Variants in POP4 observed in about 807,000 individuals in gnomAD.
POP4 encodes POP4 ribonuclease P/MRP subunit, also known as ribonuclease P protein subunit p29.
In POP4, 31 loss-of-function variants were observed where a neutral mutation model predicts 29.9. That is an observed-to-expected ratio of 1.04 (90% CI 0.78 to 1.40). The LOEUF (loss-of-function observed/expected upper bound fraction) is 1.40. POP4 is among the 40% of genes most tolerant of loss of function. The pLI is 0.00. For synonymous variants in POP4, 110 were observed against 108.2 expected (o/e 1.02, Z -0.10); for missense variants, 286 against 282.7 (o/e 1.01, Z -0.08).
intron 3 of POP4, 133 bp downstream of exon 3, chr19:29,610,765 G>A: frequency 1.1e-6 from 1 of 894,940 alleles, no homozygotes; most frequent in Non-Finnish European, 1.7e-6. Context: ...GCCACAAGAG[G>A]GCAGCCTTCC....
chr19:29,606,336 C>G lies in POP4; in HGVS notation c.7+11C>G, dbSNP rs747095519. Reference sequence around the variant, plus strand: ...GTCCGAGAATGAAGAGTAAGCGGGGCCGCGAAGTTGGAGAGGGTTGGGGAC... The same window carrying G: ...GTCCGAGAATGAAGAGTAAGCGGGGGCGCGAAGTTGGAGAGGGTTGGGGAC... On this transcript the variant is annotated intron_variant, in intron 1 of 6. Transcript: ENST00000585603. 6 of 1,605,196 alleles carry G rather than the reference C, an allele frequency of 3.7e-6. No individual in the cohort carries two copies. The Admixed American group carries it at 6.8e-5, about 18-fold the overall frequency.
In POP4 at chr19:29,606,283, A is replaced by G. The variant is rs769910692; in HGVS notation, c.-36A>G. On this transcript the variant is annotated 5_prime_UTR_variant, in exon 1 of 7. Transcript: ENST00000585603. ...CCGAGAGTCTGCGACAGCAGCTGCC[A>G]GTGCGTCATCAGAGAGCGCCGGAAG... 2 of 1,593,920 alleles carry G rather than the reference A, an allele frequency of 1.3e-6. No homozygotes were observed. Among genetic ancestry groups the G allele is most frequent in the South Asian group, 1.1e-5 (1 of 88,230 alleles).
chr19:29,608,761 C>T (rs755316135), intron 2 of POP4, 52 bp downstream of exon 2: 2 of 1,537,382 alleles, frequency 1.3e-6, no homozygotes, highest in Admixed American at 1.7e-5. Context: ...GCAAAGATGG[C>T]TCAGTAGCTT....
intron 5 of POP4, among the ~76,000 whole-genome samples, chr19:29,613,039 T>C (rs1037997709): frequency 2.0e-5 from 3 of 152,234 alleles, no homozygotes. Flanking sequence ...CCTCCTGCCC[T>C]GCCTCAGGGC....
rs562754552 is a variant in POP4, at chr19:29,617,166, C to G, written c.*1786C>G. The G allele has an allele frequency of 6.6e-6, 1 of 152,338 alleles. No homozygotes were observed. Among genetic ancestry groups the G allele is most frequent in the Admixed American group, 6.5e-5 (1 of 15,300 alleles). The allele number at this position is 152,338 out of a possible 1,614,324, so 9.4% of individuals were successfully genotyped here. ...AGGTGCTGTAGCTTCCTAGCCATCC[C>G]GCTCTTACCCGCCCCTCTGCAATGT... is the stretch of plus-strand genomic sequence containing the variant. On this transcript the variant is annotated 3_prime_UTR_variant, in exon 7 of 7. Coordinates refer to ENST00000585603, the MANE Select transcript of POP4 (RefSeq NM_006627.3).
chr19:29,614,006 G>A (rs374935837), intron 6 of POP4, 34 bp downstream of exon 6: 13 of 1,596,336 alleles, frequency 8.1e-6, no homozygotes, highest in Non-Finnish European at 1.1e-5. Context: ...TTGCTTGCGG[G>A]CTGTGGCTCC....
At chr19:29,612,786 C>T (rs1309379211) in intron 5 of POP4, among the ~76,000 whole-genome samples, 1 of 152,252 alleles carries the variant, frequency 6.6e-6, no homozygotes, top group African/African-American at 2.4e-5. Flanking sequence ...CTTTCCTAAT[C>T]TCCTCGAATC....
chr19:29,614,782 G>A (rs111522340), intron 6 of POP4, among the ~76,000 whole-genome samples: 4,549 of 152,280 alleles, frequency 0.03, 129 homozygotes, highest in South Asian at 0.092. Context: ...GGGATTATAG[G>A]TGTGAGCCAC....
rs752810458 is a variant in POP4 at position 29,610,472 on chromosome 19, A to T, written c.124A>T (p.Met42Leu). ...RAFLKRSTPRMSPQAREDQLQ... is the reference protein window; with the variant it reads ...RAFLKRSTPRLSPQAREDQLQ... ...CTTCCTGAAGCGCAGCACGCCCCGC[A>T]TGAGCCCGCAGGCCCGCGAGGACCA... The change falls in exon 3 of 7, where the codon ATG becomes TTG. Residue 42 changes from methionine to leucine, a missense_variant. By Grantham distance (15) the Met-to-Leu change is conservative. Coordinates refer to ENST00000585603, the MANE Select transcript of POP4 (RefSeq NM_006627.3). The T allele has an allele frequency of 6.2e-7, 1 of 1,605,678 alleles. No individual in the cohort carries two copies.
intron 1 of POP4, among the ~76,000 whole-genome samples, chr19:29,608,262 C>CTTTTCTTTTT (rs1491529433): frequency 5.9e-4 from 51 of 86,562 alleles, no homozygotes; most frequent in South Asian, 2.2e-3. Flanking sequence ...CTTTTCTTTT[C>CTTTTCTTTTT]TTTTTTTTTT....
Position 29,613,862 on chromosome 19 carries a change from TC to T in POP4, c.425-8del. 6.2e-7 allele frequency: 1 copy of T among 1,611,278 alleles called. No homozygotes were observed. Among genetic ancestry groups the T allele is most frequent in the East Asian group, 2.2e-5 (1 of 44,850 alleles). On this transcript the variant is annotated splice_region_variant and splice_polypyrimidine_tract_variant and intron_variant, in intron 5 of 6. Transcript: ENST00000585603. ...GGCCTGAGCCTGGAACTGTCCTTTT[TC>T]TTTGCAGTGACAAAATCCAAATGCC...
chr19:29,611,141 GCTGT>G (rs946344018), intron 3 of POP4: 2 of 158,806 alleles, frequency 1.3e-5, no homozygotes, highest in African/African-American at 4.8e-5. Flanking sequence ...GTGTCTTGGG[GCTGT>G]CTGTAGGCTT....
In POP4 at chr19:29,610,488, G is replaced by T; in HGVS notation, c.140G>T (p.Arg47Leu). 1.9e-6 allele frequency: 3 copies of T among 1,610,480 alleles called. No individual in the cohort carries two copies. The highest frequency in any genetic ancestry group is 2.5e-6 in the Non-Finnish European group (3 of 1,178,538). ...ACGCCCCGCATGAGCCCGCAGGCCC[G>T]CGAGGACCAGCTGCAGCGCAAGGCG... ...RSTPRMSPQA[R>L]EDQLQRKAVV... Residue 47 changes from arginine (R) to leucine (L), a missense_variant, in exon 3 of 7, where the codon CGC (arginine) becomes CTC (leucine). Coordinates refer to ENST00000585603, the MANE Select transcript of POP4 (RefSeq NM_006627.3).
intron 1 of POP4, 167 bp downstream of exon 1, chr19:29,606,492 T>G: frequency 5.3e-6 from 4 of 751,232 alleles, no homozygotes; most frequent in Non-Finnish European, 6.0e-6. Context: ...GAGCACGGGT[T>G]AGCCTGGCTC....
In POP4 at chr19:29,616,479, C is replaced by T. The variant is rs1971132982; in HGVS notation, c.*1099C>T. On this transcript the variant is annotated 3_prime_UTR_variant, in exon 7 of 7. Coordinates refer to ENST00000585603, the MANE Select transcript of POP4 (RefSeq NM_006627.3). ...GAAAGGCAGGCCACAAATCTGTTCT[C>T]CCCCAGGAGAAGTAGCAGTGCCAGG... The T allele has an allele frequency of 2.0e-5, 3 of 152,264 alleles. 1 individual carries two copies. The highest frequency in any genetic ancestry group is 1.3e-4 in the Admixed American group (2 of 15,278). The allele number at this position is 152,264 out of a possible 1,614,324, so 9.4% of individuals were successfully genotyped here.
At position 29,606,330 on chromosome 19, in the gene POP4, G is replaced by A. The variant is rs1294695555; in HGVS notation, c.7+5G>A. ...GAAGCGGTCCGAGAATGAAGAGTAA[G>A]CGGGGCCGCGAAGTTGGAGAGGGTT... On this transcript the variant is annotated splice_donor_5th_base_variant and intron_variant, in intron 1 of 6. Coordinates refer to ENST00000585603, the MANE Select transcript of POP4 (RefSeq NM_006627.3). 2 of 1,606,350 alleles carry A rather than the reference G, an allele frequency of 1.2e-6. No homozygotes were observed. Among genetic ancestry groups the A allele is most frequent in the East Asian group, 2.3e-5 (1 of 44,032 alleles).
intron 5 of POP4, 121 bp downstream of exon 5, chr19:29,612,299 C>T (rs575096290): frequency 2.3e-4 from 208 of 917,820 alleles, no homozygotes; most frequent in South Asian, 7.9e-4. Context: ...CCTGAGATGG[C>T]CCCCAGTCAC....
intron 5 of POP4, among the ~76,000 whole-genome samples, chr19:29,613,511 TGTGCAGA>T (rs1384133458): frequency 2.0e-5 from 3 of 152,182 alleles, no homozygotes; most frequent in African/African-American, 7.2e-5. Flanking sequence ...TGGTGGTGTT[TGTGCAGA>T]TCCTGCAAGG....
intron 1 of POP4, among the ~76,000 whole-genome samples, chr19:29,607,455 A>G (rs1367844587): frequency 1.5e-5 from 1 of 68,192 alleles, no homozygotes; most frequent in African/African-American, 8.1e-5. Flanking sequence ...ATCAAAACAA[A>G]CAAACAAACA....
Sources: gnomAD v4.1 joint callset for allele counts (sites outside exome capture counted in the v4.1 genomes callset) on GRCh38, gnomAD v4.1.1 for gene constraint, MANE v1.5 for transcripts, NCBI Gene and HGNC (gene_info 2026-07-23, HGNC 2026-07-21) for gene names.